NCEH1: variants seen among roughly 807,000 people sequenced by gnomAD.
NCEH1 encodes 2-acetyl MAGE hydrolase.
A neutral mutation model predicts 25.4 loss-of-function variants in NCEH1; 9 were observed. That is an observed-to-expected ratio of 0.35 (90% confidence interval 0.21 to 0.62). The LOEUF (loss-of-function observed/expected upper bound fraction) is 0.62, where lower values mean the gene tolerates loss of function less well. Ranked by LOEUF, NCEH1 falls within the 20% of genes least tolerant of loss-of-function variation. NCEH1 has a pLI of 0.72. For missense variants in NCEH1, 412 were observed against 501.1 expected, an observed-to-expected ratio of 0.82 and a Z score of 1.70; for synonymous variants, 200 against 199.8, an observed-to-expected ratio of 1.00 and a Z score of -0.01.
intron 1 of NCEH1, chr3:172,703,357 C>A (rs1388295117): frequency 6.6e-6 from 1 of 151,640 alleles, no homozygotes; most frequent in African/African-American, 2.4e-5. Context: ...AAACCCCATC[C>A]CTACAAAAAT....
intron 1 of NCEH1, among the ~76,000 whole-genome samples, chr3:172,692,345 T>C (rs1435894049): frequency 6.6e-6 from 1 of 152,132 alleles, no homozygotes; most frequent in African/African-American, 2.4e-5. Context: ...GGAATATTTT[T>C]ATTTTTCTTT....
chr3:172,665,485 C>G (rs868484470), intron 1 of NCEH1, among the ~76,000 whole-genome samples: 1 of 152,184 alleles, frequency 6.6e-6, no homozygotes, highest in Admixed American at 6.5e-5. Flanking sequence ...ATCTCAAACT[C>G]CATGCTGGGA....
chr3:172,645,937 ATATT>A (rs1717099870), intron 2 of NCEH1, among the ~76,000 whole-genome samples: 1 of 152,226 alleles, frequency 6.6e-6, no homozygotes, highest in Admixed American at 6.5e-5. Context: ...TACTATCTAA[ATATT>A]TATTTCATAA....
chr3:172,695,037 A>G (rs547033661), intron 1 of NCEH1, among the ~76,000 whole-genome samples: 1 of 152,314 alleles, frequency 6.6e-6, no homozygotes, highest in South Asian at 2.1e-4. Context: ...TGCTCAACTA[A>G]CATGATAGAG....
chr3:172,652,941 G>A lies in NCEH1; in HGVS notation c.139-4827C>T, dbSNP rs1424659849. Among the ~76,000 whole-genome samples, 3 of 151,810 alleles carry A rather than the reference G, an allele frequency of 2.0e-5. No homozygotes were observed. In the East Asian group the frequency reaches 5.8e-4, roughly 29 times the overall value. ...GCTGGTCTTGAACTCCTGACCTGAA[G>A]TGATCCACCCGTCTTGGCCTCCCAA... is the stretch of plus-strand genomic sequence containing the variant. On this transcript the variant is annotated intron_variant, in intron 1 of 4. Coordinates refer to ENST00000475381, the MANE Select transcript of NCEH1 (RefSeq NM_020792.6).
chr3:172,639,303 A>C (rs1477702112), intron 3 of NCEH1, among the ~76,000 whole-genome samples: 1 of 151,980 alleles, frequency 6.6e-6, no homozygotes, highest in Non-Finnish European at 1.5e-5. Flanking sequence ...TCTCAAAAAA[A>C]AAAAAAAAAA....
At chr3:172,689,102 T>C (rs1334714625) in intron 1 of NCEH1, among the ~76,000 whole-genome samples, 1 of 152,172 alleles carries the variant, frequency 6.6e-6, no homozygotes, top group Non-Finnish European at 1.5e-5. Context: ...GCTCCTTGCC[T>C]GAAGCTGAAT....
chr3:172,691,481 A>G (rs1432665297), intron 1 of NCEH1, among the ~76,000 whole-genome samples: 1 of 152,294 alleles, frequency 6.6e-6, no homozygotes, highest in African/African-American at 2.4e-5. Flanking sequence ...CACTCAGCAA[A>G]TATGTGAGTG....
At chr3:172,651,924 T>C (rs1717422741) in intron 1 of NCEH1, among the ~76,000 whole-genome samples, 1 of 152,062 alleles carries the variant, frequency 6.6e-6, no homozygotes, top group South Asian at 2.1e-4. Flanking sequence ...TCTCCTAGAA[T>C]AGAAAGTGAT....
intron 1 of NCEH1, among the ~76,000 whole-genome samples, chr3:172,656,685 G>T (rs1038204225): frequency 4.6e-5 from 7 of 152,096 alleles, no homozygotes; most frequent in African/African-American, 1.4e-4. Flanking sequence ...AGAATTGCTT[G>T]ACACCGGGAG....
chr3:172,642,190 T>A (rs1716881783), intron 3 of NCEH1, among the ~76,000 whole-genome samples: 1 of 151,796 alleles, frequency 6.6e-6, no homozygotes, highest in Non-Finnish European at 1.5e-5. Flanking sequence ...TTGTTTTGTT[T>A]TGAGATAGGG....
intron 1 of NCEH1, among the ~76,000 whole-genome samples, chr3:172,674,807 G>A (rs1711859811): frequency 6.6e-6 from 1 of 152,172 alleles, no homozygotes; most frequent in South Asian, 2.1e-4. Context: ...ATAATATTTT[G>A]CCTGATTATC....
intron 2 of NCEH1, among the ~76,000 whole-genome samples, chr3:172,647,480 A>G (rs530734978): frequency 6.6e-6 from 1 of 152,358 alleles, no homozygotes; most frequent in South Asian, 2.1e-4. Flanking sequence ...TCTTCAAAAC[A>G]CAAGTTGGCA....
chr3:172,675,654 T>C (rs1036516462), intron 1 of NCEH1, among the ~76,000 whole-genome samples: 3 of 152,244 alleles, frequency 2.0e-5, no homozygotes, highest in Admixed American at 6.5e-5. Flanking sequence ...CTCTCAATCA[T>C]ACTGCAAGTT....
At chr3:172,645,405 G>A (rs142657278) in intron 3 of NCEH1, among the ~76,000 whole-genome samples, 13 of 152,184 alleles carry the variant, frequency 8.5e-5, no homozygotes, top group East Asian at 3.9e-4. Context: ...CAAAACTAAC[G>A]GTGAAAAGGT....
intron 1 of NCEH1, among the ~76,000 whole-genome samples, chr3:172,686,338 G>A (rs1001671810): frequency 6.6e-5 from 10 of 152,118 alleles, no homozygotes; most frequent in Admixed American, 1.3e-4. Flanking sequence ...AGTTCTTTCC[G>A]GTCTTCCGCA....
chr3:172,660,941 T>C (rs769128474), intron 1 of NCEH1, among the ~76,000 whole-genome samples: 9 of 152,356 alleles, frequency 5.9e-5, no homozygotes, highest in Non-Finnish European at 1.0e-4. Context: ...ACTTTGATGG[T>C]AGTTTCTTTT....
intron 1 of NCEH1, among the ~76,000 whole-genome samples, chr3:172,695,421 T>C: frequency 6.6e-6 from 1 of 152,218 alleles, no homozygotes; most frequent in East Asian, 1.9e-4. Flanking sequence ...AGCTCCTTGA[T>C]ATAAGACAGT....
intron 1 of NCEH1, among the ~76,000 whole-genome samples, chr3:172,652,104 A>G (rs1420198299): frequency 6.6e-6 from 1 of 152,174 alleles, no homozygotes; most frequent in Non-Finnish European, 1.5e-5. Context: ...CCCAGACAGA[A>G]CCCTGGAAAG....
Sources: gnomAD v4.1 joint callset for allele counts (sites outside exome capture counted in the v4.1 genomes callset) on GRCh38, gnomAD v4.1.1 for gene constraint, MANE v1.5 for transcripts, NCBI Gene and HGNC (gene_info 2026-07-23, HGNC 2026-07-21) for gene names.